The following SYNPR variants were observed in gnomAD, a reference collection of about 807,000 sequenced individuals.
SYNPR encodes the protein synaptoporin.
In SYNPR, 23 loss-of-function variants were observed where a neutral mutation model predicts 32.9. The observed-to-expected ratio is 0.70, with a 90% CI of 0.50 to 0.99. The LOEUF is 0.99. SYNPR is among the 50% of genes least tolerant of loss of function. The pLI, the probability that SYNPR is intolerant of heterozygous loss-of-function variation, is 0.00. For missense variants in SYNPR, 318 were observed against 349.3 expected (o/e 0.91, Z 0.71); for synonymous variants, 146 against 135.9 (o/e 1.07, Z -0.52).
chr3:63,260,623 A>G (rs976629428), intron 2 of SYNPR, among the ~76,000 whole-genome samples: 21 of 152,238 alleles, frequency 1.4e-4, no homozygotes, highest in African/African-American at 4.8e-4. Context: ...AAACCCTAGA[A>G]GAAAACCTAG....
chr3:63,516,430 T>C (rs1039601444), intron 3 of SYNPR, among the ~76,000 whole-genome samples: 1 of 152,132 alleles, frequency 6.6e-6, no homozygotes. Context: ...AAGTACTTCA[T>C]GTTCAAAGAA....
intron 2 of SYNPR, among the ~76,000 whole-genome samples, chr3:63,427,034 G>C (rs2107139607): frequency 6.6e-6 from 1 of 151,764 alleles, no homozygotes; most frequent in East Asian, 1.9e-4. Context: ...ATTTCTTCAA[G>C]AAATGACATG....
chr3:63,324,743 G>A (rs1158166248), intron 2 of SYNPR, among the ~76,000 whole-genome samples: 3 of 152,192 alleles, frequency 2.0e-5, no homozygotes, highest in Middle Eastern at 6.8e-3. Context: ...TGCTCACCAG[G>A]CAGCAAGTTG....
chr3:63,477,259 A>G lies in SYNPR; in HGVS notation c.85-3573A>G, dbSNP rs17068674. Among the ~76,000 whole-genome samples, 1,405 of 152,200 alleles carry G rather than the reference A, an allele frequency of 9.2e-3. 14 individuals are homozygous for G. The highest frequency in any genetic ancestry group is 0.031 in the African/African-American group (1,281 of 41,508). The stretch of plus-strand genomic sequence containing the variant: ...CCTCACTGTGTCTTGATGTATTCCA[A>G]TTACGGGACCAGGCCACTGGCAGAT... On this transcript the variant is annotated intron_variant, in intron 2 of 5. Coordinates refer to ENST00000478300, the MANE Select transcript of SYNPR (RefSeq NM_001130003.2).
intron 2 of SYNPR, among the ~76,000 whole-genome samples, chr3:63,259,831 T>C (rs774688433): frequency 1.3e-5 from 2 of 152,174 alleles, no homozygotes; most frequent in Non-Finnish European, 2.9e-5. Flanking sequence ...AACCCCATCG[T>C]CTCAGCCCAG....
At chr3:63,327,329 C>T (rs751649119) in intron 2 of SYNPR, among the ~76,000 whole-genome samples, 1 of 151,990 alleles carries the variant, frequency 6.6e-6, no homozygotes, top group African/African-American at 2.4e-5. Context: ...GCAGTACCTA[C>T]TAAAGTGGGT....
At chr3:63,302,961 A>T (rs1340498220) in intron 2 of SYNPR, among the ~76,000 whole-genome samples, 1 of 151,984 alleles carries the variant, frequency 6.6e-6, no homozygotes, top group East Asian at 1.9e-4. Context: ...GGATATCCCA[A>T]ATATACTGAT....
intron 2 of SYNPR, among the ~76,000 whole-genome samples, chr3:63,335,214 G>A (rs1329438885): frequency 2.0e-5 from 3 of 152,034 alleles, no homozygotes; most frequent in Non-Finnish European, 4.4e-5. Context: ...TTAGCCAGGC[G>A]TGGTGGCGGG....
At chr3:63,571,156 T>G (rs1294110853) in intron 4 of SYNPR, among the ~76,000 whole-genome samples, 2 of 152,158 alleles carry the variant, frequency 1.3e-5, no homozygotes, top group Non-Finnish European at 2.9e-5. Context: ...GGAGTCTAAT[T>G]CTTCTCAAAT....
Position 63,416,740 on chromosome 3 carries a change from G to A in SYNPR, c.85-64092G>A, listed in dbSNP as rs148470651. On this transcript the variant is annotated intron_variant, in intron 2 of 5. Transcript: ENST00000478300. ...CAAGGAAGAGCAAGTGACATCTTAC[G>A]TGGATGGCAGCAGGCAAAGAGCTTG... Among the ~76,000 whole-genome samples, 764 of 152,126 alleles carry A rather than the reference G, an allele frequency of 5.0e-3. 9 individuals carry two copies. Among genetic ancestry groups the A allele is most frequent in the African/African-American group, 0.018 (732 of 41,492 alleles).
chr3:63,394,282 CT>C (rs2107089578), intron 2 of SYNPR, among the ~76,000 whole-genome samples: 1 of 152,230 alleles, frequency 6.6e-6, no homozygotes, highest in South Asian at 2.1e-4. Flanking sequence ...TTTTTTAGTT[CT>C]ATTTTCTGCT....
chr3:63,247,313 A>G (rs910166696), intron 1 of SYNPR, among the ~76,000 whole-genome samples: 10 of 152,056 alleles, frequency 6.6e-5, no homozygotes, highest in Non-Finnish European at 1.5e-4. Flanking sequence ...TCCTCTATGA[A>G]CCTTAGGTTT....
chr3:63,518,402 A>G (rs2106767251), intron 3 of SYNPR, among the ~76,000 whole-genome samples: 1 of 152,230 alleles, frequency 6.6e-6, no homozygotes, highest in Middle Eastern at 3.4e-3. Context: ...AACCTTGTTT[A>G]TGGGCTCTAA....
At chr3:63,407,904 A>G (rs547355517) in intron 2 of SYNPR, among the ~76,000 whole-genome samples, 60 of 152,096 alleles carry the variant, frequency 3.9e-4, no homozygotes, top group African/African-American at 1.4e-3. Flanking sequence ...AGACATTTGA[A>G]AGGAATTGGA....
In SYNPR at chr3:63,278,745, G is replaced by A; in HGVS notation, c.84+3G>A. On this transcript the variant is annotated splice_donor_region_variant and intron_variant, in intron 2 of 5. Transcript: ENST00000478300. Reference sequence around the variant, plus strand: ...CCTTCCTGCGAGCCCTGGAATTGGTGAGTAGCAGTGTGTGTGCAGGGAGGG... The same window carrying A: ...CCTTCCTGCGAGCCCTGGAATTGGTAAGTAGCAGTGTGTGTGCAGGGAGGG... The A allele has an allele frequency of 6.4e-7, 1 of 1,551,600 alleles. No homozygotes were observed. Among genetic ancestry groups the A allele is most frequent in the Non-Finnish European group, 8.7e-7 (1 of 1,146,996 alleles).
chr3:63,319,967 TGA>T (rs2087090889), intron 2 of SYNPR, among the ~76,000 whole-genome samples: 1 of 152,024 alleles, frequency 6.6e-6, no homozygotes, highest in Non-Finnish European at 1.5e-5. Flanking sequence ...ATTCATTTAT[TGA>T]GACAGGGTCT....
At chr3:63,411,620 G>T (rs911176840) in intron 2 of SYNPR, among the ~76,000 whole-genome samples, 9 of 152,212 alleles carry the variant, frequency 5.9e-5, no homozygotes, top group African/African-American at 2.2e-4. Flanking sequence ...GACAGCCAGC[G>T]GGTGAAAGAG....
the SYNPR span, among the ~76,000 whole-genome samples, chr3:63,210,611 C>A: frequency 6.6e-6 from 1 of 152,154 alleles, no homozygotes; most frequent in Non-Finnish European, 1.5e-5. Flanking sequence ...ACTTTTGATG[C>A]TCCTGTCCAG....
intron 2 of SYNPR, among the ~76,000 whole-genome samples, chr3:63,295,482 G>A (rs72880162): frequency 8.0e-4 from 122 of 152,218 alleles, no homozygotes; most frequent in African/African-American, 2.9e-3. Flanking sequence ...AACACAGGAA[G>A]AAAAATTCCG....
Sources: allele counts gnomAD v4.1 joint callset (sites outside exome capture counted in the v4.1 genomes callset), GRCh38; gene constraint gnomAD v4.1.1; transcripts MANE v1.5; gene names NCBI Gene and HGNC (gene_info 2026-07-23, HGNC 2026-07-21).